The following DCHS2 variants were observed in gnomAD, a reference collection of about 807,000 sequenced individuals.
DCHS2 encodes the protein protocadherin-23.
A neutral mutation model predicts 182.4 loss-of-function variants in DCHS2; 142 were observed. That is an observed-to-expected ratio of 0.78 (90% confidence interval 0.68 to 0.89). DCHS2 has a LOEUF of 0.89. Among genes scored for constraint, DCHS2 ranks in the 40% least tolerant of loss-of-function variants. DCHS2 has a pLI of 0.00. For missense variants in DCHS2, 4,319 were observed against 4,198.6 expected (o/e 1.03, Z -0.79); for synonymous variants, 1,740 against 1,663.3 (o/e 1.05, Z -1.12).
intron 3 of DCHS2, among the ~76,000 whole-genome samples, chr4:154,351,453 A>G (rs569267630): frequency 4.3e-4 from 66 of 152,352 alleles, no homozygotes; most frequent in African/African-American, 1.4e-3. Flanking sequence ...CTGAAAATAG[A>G]AATCTATAGA....
At chr4:154,356,906 T>A (rs1412267736) in intron 3 of DCHS2, among the ~76,000 whole-genome samples, 1 of 152,120 alleles carries the variant, frequency 6.6e-6, no homozygotes, top group African/African-American at 2.4e-5. Flanking sequence ...CTAAACTTAC[T>A]TTTAAGTTTG....
At chr4:154,454,340 C>A (rs1264608781) in intron 1 of DCHS2, among the ~76,000 whole-genome samples, 3 of 152,110 alleles carry the variant, frequency 2.0e-5, no homozygotes, top group Non-Finnish European at 2.9e-5. Context: ...TACTCCTGAG[C>A]TCAAATGATC....
At chr4:154,385,235 C>T (rs1035935561) in intron 1 of DCHS2, among the ~76,000 whole-genome samples, 1 of 152,050 alleles carries the variant, frequency 6.6e-6, no homozygotes, top group Non-Finnish European at 1.5e-5. Context: ...CATCCATGTC[C>T]TTACAAAGGA....
chr4:154,373,633 G>T (rs1730744128), intron 2 of DCHS2, among the ~76,000 whole-genome samples: 1 of 149,000 alleles, frequency 6.7e-6, no homozygotes, highest in South Asian at 2.2e-4. Context: ...GCATCCCTGG[G>T]CTTGTGCCAG....
intron 1 of DCHS2, among the ~76,000 whole-genome samples, chr4:154,432,768 A>G (rs1386802090): frequency 6.6e-6 from 1 of 152,178 alleles, no homozygotes; most frequent in Non-Finnish European, 1.5e-5. Flanking sequence ...TGCATGGACC[A>G]CAGACTGAGG....
rs1731249619 is a variant in DCHS2 at position 154,232,690 on chromosome 4, A to AGAT, written c.*1843_*1845dup. ...AAAGCAATGTTTTCAAAAGAGTCAGAGATAATAAATACTGGAACACATAAA... is the reference window on the plus strand; with the variant it reads ...AAAGCAATGTTTTCAAAAGAGTCAGAGATGATAATAAATACTGGAACACATAAA... On this transcript the variant is annotated 3_prime_UTR_variant, in exon 20 of 20. Transcript: ENST00000357232. 6.6e-6 allele frequency: 1 copy of AGAT among 152,108 alleles called. No individual in the cohort carries two copies. Among genetic ancestry groups the AGAT allele is most frequent in the Non-Finnish European group, 1.5e-5 (1 of 68,014 alleles). The allele number at this position is 152,108 out of a possible 1,614,324, so 9.4% of individuals were successfully genotyped here.
intron 3 of DCHS2, among the ~76,000 whole-genome samples, chr4:154,356,185 T>G (rs572180085): frequency 3.3e-5 from 5 of 151,992 alleles, no homozygotes; most frequent in Non-Finnish European, 7.4e-5. Context: ...GGCTAATGTG[T>G]GCGTTTGTGT....
intron 1 of DCHS2, among the ~76,000 whole-genome samples, chr4:154,426,365 T>C (rs1388077): frequency 6.6e-6 from 1 of 152,028 alleles, no homozygotes; most frequent in East Asian, 1.9e-4. Flanking sequence ...AATAGTACCA[T>C]AGATTCTTTA....
chr4:154,320,314 G>T, intron 9 of DCHS2, 65 bp downstream of exon 9: 1 of 1,538,842 alleles, frequency 6.5e-7, no homozygotes, highest in South Asian at 1.3e-5. Flanking sequence ...TAGGAGGGTG[G>T]GTCTCATGTT....
In DCHS2 at chr4:154,329,845, T is replaced by C. The variant is rs1174503736; in HGVS notation, c.3731-135A>G. On this transcript the variant is annotated intron_variant, in intron 5 of 19. Coordinates refer to ENST00000357232, the MANE Select transcript of DCHS2 (RefSeq NM_001358235.2). ...CTTCTAAGACCATCTACATAGTAGT[T>C]TGGCTCTATGGTACTGTTGAAAAAA... 4.2e-6 allele frequency: 3 copies of C among 720,322 alleles called. No individual in the cohort carries two copies. The African/African-American group carries it at 5.2e-5, about 13-fold the overall frequency. The allele number at this position is 720,322 out of a possible 1,614,324, so 44.6% of individuals were successfully genotyped here.
intron 1 of DCHS2, among the ~76,000 whole-genome samples, chr4:154,386,195 T>G (rs910037449): frequency 3.3e-5 from 5 of 152,170 alleles, no homozygotes; most frequent in Non-Finnish European, 7.3e-5. Context: ...CAACTTCCCA[T>G]CCTACCCAAC....
Position 154,490,918 on chromosome 4 carries a change from C to G in DCHS2, c.438G>C (p.Leu146=). 1 of 1,551,252 alleles carries G rather than the reference C, an allele frequency of 6.4e-7. No individual in the cohort carries two copies. Among genetic ancestry groups the G allele is most frequent in the Non-Finnish European group, 8.7e-7 (1 of 1,146,892 alleles). The part of the protein sequence containing the change: ...RDHYSFVAAT[L]LGAVVQVEIR... ...TCTCCACCTGCACCACAGCGCCCAG[C>G]AGCGTGGCGGCGACGAAGCTGTAGT... The change falls in exon 1 of 20, where the codon CTG becomes CTC. Residue 146 remains leucine, a synonymous_variant. Transcript: ENST00000357232.
chr4:154,389,516 T>TATATATATATATATATATATA (rs1731575119), intron 1 of DCHS2, among the ~76,000 whole-genome samples: 4 of 111,130 alleles, frequency 3.6e-5, no homozygotes, highest in African/African-American at 9.4e-5. Flanking sequence ...AAGACAAAGG[T>TATATATATATATATATATATA]TATATATATA....
intron 3 of DCHS2, among the ~76,000 whole-genome samples, chr4:154,338,646 G>T (rs2111378700): frequency 6.6e-6 from 1 of 152,256 alleles, no homozygotes; most frequent in Middle Eastern, 3.4e-3. Context: ...TAAATCAAGA[G>T]GATGTCATTT....
At chr4:154,311,040 TC>T (rs985428224) in intron 10 of DCHS2, among the ~76,000 whole-genome samples, 2 of 134,368 alleles carry the variant, frequency 1.5e-5, no homozygotes, top group African/African-American at 2.4e-5. Flanking sequence ...TACTATCTGG[TC>T]CTTTAAAGGA....
chr4:154,442,704 A>G (rs1223712472), intron 1 of DCHS2, among the ~76,000 whole-genome samples: 1 of 151,894 alleles, frequency 6.6e-6, no homozygotes, highest in Non-Finnish European at 1.5e-5. Flanking sequence ...CTTGGAATCC[A>G]TAATCCCTTT....
Position 154,234,614 on chromosome 4 carries a change from C to G in DCHS2, c.10038G>C (p.Leu3346Phe), listed in dbSNP as rs1338106716. The change falls in exon 20 of 20, where the codon TTG becomes TTC. Residue 3346 changes from leucine to phenylalanine, a missense_variant. Coordinates refer to ENST00000357232, the MANE Select transcript of DCHS2 (RefSeq NM_001358235.2). ...TMQPPALSPL[L>F]REGELLGTHI... ...GTGTTCCTAATAATTCTCCTTCTCTCAACAGTGGAGACAAGGCAGGAGGCT... is the reference window on the plus strand; with the variant it reads ...GTGTTCCTAATAATTCTCCTTCTCTGAACAGTGGAGACAAGGCAGGAGGCT... 1 of 1,613,976 alleles carries G rather than the reference C, an allele frequency of 6.2e-7. No homozygotes were observed.
At chr4:154,461,913 C>G (rs546099456) in intron 1 of DCHS2, among the ~76,000 whole-genome samples, 1 of 152,136 alleles carries the variant, frequency 6.6e-6, no homozygotes, top group Non-Finnish European at 1.5e-5. Flanking sequence ...CCAAGGCTTC[C>G]CAGAAAGTTG....
At position 154,329,839 on chromosome 4, in the gene DCHS2, A is replaced by G. The variant is rs1736450905; in HGVS notation, c.3731-129T>C. ...ATGCGACTTCTAAGACCATCTACAT[A>G]GTAGTTTGGCTCTATGGTACTGTTG... On this transcript the variant is annotated intron_variant, in intron 5 of 19. Coordinates refer to ENST00000357232, the MANE Select transcript of DCHS2 (RefSeq NM_001358235.2). The G allele has an allele frequency of 7.7e-6, 6 of 774,922 alleles. No individual in the cohort carries two copies. In the South Asian group the frequency reaches 1.6e-4, roughly 21 times the overall value. The allele number at this position is 774,922 out of a possible 1,614,324, so 48.0% of individuals were successfully genotyped here. A position where few individuals can be genotyped will look rare whatever the true frequency, so the allele number is the denominator to read the frequency against.
Sources: gnomAD v4.1 joint callset for allele counts (sites outside exome capture counted in the v4.1 genomes callset) on GRCh38, gnomAD v4.1.1 for gene constraint, MANE v1.5 for transcripts, NCBI Gene and HGNC (gene_info 2026-07-23, HGNC 2026-07-21) for gene names.